The following RAB2A variants were observed in gnomAD, a reference collection of about 807,000 sequenced individuals.
RAB2A encodes ras-related protein Rab-2A.
In RAB2A, 7 loss-of-function variants were observed where a neutral mutation model predicts 32.5. The ratio of observed to expected loss-of-function variants is 0.22; its 90% confidence interval spans 0.12 to 0.40. The LOEUF (loss-of-function observed/expected upper bound fraction) is 0.40, where lower values mean the gene tolerates loss of function less well. RAB2A is among the 10% of genes least tolerant of loss of function. RAB2A has a pLI of 1.00. For missense variants in RAB2A, 108 were observed against 260.7 expected (o/e 0.41, Z 4.03); for synonymous variants, 79 against 85.2 (o/e 0.93, Z 0.40).
At chr8:60,531,484 G>A (rs937176432) in intron 1 of RAB2A, among the ~76,000 whole-genome samples, 1 of 152,190 alleles carries the variant, frequency 6.6e-6, no homozygotes, top group Non-Finnish European at 1.5e-5. Flanking sequence ...TGAAGGTAAG[G>A]TGCCTTGTAA....
intron 2 of RAB2A, among the ~76,000 whole-genome samples, chr8:60,566,140 G>A (rs1808109733): frequency 6.6e-6 from 1 of 152,200 alleles, no homozygotes; most frequent in Admixed American, 6.5e-5. Context: ...ACCACTGAGT[G>A]GTGTATGTTT....
rs1045675634 is a variant in RAB2A, at chr8:60,582,135, G to A, written c.187-2073G>A. On this transcript the variant is annotated intron_variant, in intron 3 of 7. Transcript: ENST00000262646. ...TAATTTTTAAAATTTTTTTTGTAGA[G>A]ATGGGGTCTCGCCATGTTAGCCAGG... is the stretch of plus-strand genomic sequence containing the variant. 3.3e-5 allele frequency among the ~76,000 whole-genome samples: 5 copies of A among 151,918 alleles called. No individual in the cohort carries two copies. In the East Asian group the frequency reaches 5.8e-4, roughly 18 times the overall value.
At chr8:60,583,798 A>T (rs1803804131) in intron 3 of RAB2A, among the ~76,000 whole-genome samples, 1 of 152,094 alleles carries the variant, frequency 6.6e-6, no homozygotes, top group African/African-American at 2.4e-5. Flanking sequence ...TGCCCCAGGG[A>T]GTGGGTTATT....
At chr8:60,604,194 C>G (rs1416696843) in intron 6 of RAB2A, among the ~76,000 whole-genome samples, 1 of 152,174 alleles carries the variant, frequency 6.6e-6, no homozygotes, top group Admixed American at 6.5e-5. Context: ...CCCCCTTTGC[C>G]TTGTGCCATG....
intron 2 of RAB2A, among the ~76,000 whole-genome samples, chr8:60,560,820 A>G (rs1808011429): frequency 6.6e-6 from 1 of 150,924 alleles, no homozygotes; most frequent in Non-Finnish European, 1.5e-5. Context: ...TTATTCTTCC[A>G]GTGTTGCCCA....
intron 3 of RAB2A, among the ~76,000 whole-genome samples, chr8:60,576,576 G>A (rs903433247): frequency 6.6e-6 from 1 of 152,150 alleles, no homozygotes; most frequent in African/African-American, 2.4e-5. Context: ...AAACTAACAT[G>A]CTAAAAGTTT....
chr8:60,612,393 G>T (rs1160461235), intron 6 of RAB2A, among the ~76,000 whole-genome samples: 4 of 152,124 alleles, frequency 2.6e-5, no homozygotes, highest in East Asian at 1.9e-4. Flanking sequence ...ACTAATTTTT[G>T]TAAAGGGTAG....
chr8:60,579,258 G>A (rs1324684902), intron 3 of RAB2A, among the ~76,000 whole-genome samples: 4 of 152,200 alleles, frequency 2.6e-5, no homozygotes, highest in African/African-American at 9.7e-5. Context: ...GGCCAGGCTG[G>A]TCTGGAACTC....
chr8:60,581,484 GA>G (rs1803750412), intron 3 of RAB2A, among the ~76,000 whole-genome samples: 1 of 152,110 alleles, frequency 6.6e-6, no homozygotes, highest in Non-Finnish European at 1.5e-5. Context: ...TAAAACTTAG[GA>G]ATTATTATTT....
chr8:60,569,131 T>G (rs923273874), intron 2 of RAB2A, among the ~76,000 whole-genome samples: 3 of 152,216 alleles, frequency 2.0e-5, no homozygotes, highest in Admixed American at 1.3e-4. Flanking sequence ...TAAAGTGTGT[T>G]TGTTTTCGCT....
chr8:60,524,686 C>T (rs1400968870), intron 1 of RAB2A, among the ~76,000 whole-genome samples: 3 of 152,202 alleles, frequency 2.0e-5, no homozygotes, highest in Non-Finnish European at 4.4e-5. Context: ...ATTTGGTTCT[C>T]ATCCATGGAA....
chr8:60,610,674 T>G (rs960388758), intron 6 of RAB2A, among the ~76,000 whole-genome samples: 2 of 152,238 alleles, frequency 1.3e-5, no homozygotes, highest in Non-Finnish European at 2.9e-5. Flanking sequence ...TCTTCACCTC[T>G]AATTTGGCCA....
chr8:60,531,695 G>A (rs917666197), intron 1 of RAB2A, among the ~76,000 whole-genome samples: 2 of 151,658 alleles, frequency 1.3e-5, no homozygotes, highest in Non-Finnish European at 2.9e-5. Flanking sequence ...CATCTCAGAT[G>A]TCTTCATAGT....
At chr8:60,532,373 TAA>T (rs1807489761) in intron 1 of RAB2A, among the ~76,000 whole-genome samples, 1 of 152,188 alleles carries the variant, frequency 6.6e-6, no homozygotes, top group South Asian at 2.1e-4. Flanking sequence ...AATAAATAGC[TAA>T]AAAGTAATAA....
intron 3 of RAB2A, among the ~76,000 whole-genome samples, chr8:60,579,689 G>A (rs576395264): frequency 2.0e-5 from 3 of 148,678 alleles, no homozygotes; most frequent in Admixed American, 1.3e-4. Flanking sequence ...GTGCGGTGGC[G>A]CAGTCTTGGC....
intron 6 of RAB2A, among the ~76,000 whole-genome samples, chr8:60,595,704 T>C (rs1480531545): frequency 6.6e-6 from 1 of 152,164 alleles, no homozygotes; most frequent in Non-Finnish European, 1.5e-5. Flanking sequence ...AACATGCGTG[T>C]ACCAGATATG....
intron 1 of RAB2A, among the ~76,000 whole-genome samples, chr8:60,530,255 T>TC (rs1204316590): frequency 6.6e-6 from 1 of 151,664 alleles, no homozygotes; most frequent in Non-Finnish European, 1.5e-5. Context: ...TTCAAGCCGT[T>TC]CTGCCTCAGC....
At chr8:60,541,560 G>A (rs1186061996) in intron 1 of RAB2A, among the ~76,000 whole-genome samples, 1 of 152,088 alleles carries the variant, frequency 6.6e-6, no homozygotes, top group African/African-American at 2.4e-5. Context: ...GTGGTGGCAG[G>A]CACCTGTAAT....
intron 1 of RAB2A, among the ~76,000 whole-genome samples, chr8:60,534,541 G>T (rs1807528543): frequency 6.6e-6 from 1 of 152,194 alleles, no homozygotes; most frequent in Non-Finnish European, 1.5e-5. Flanking sequence ...TAACTTATTT[G>T]AATAATTGTC....
Sources: allele counts gnomAD v4.1 joint callset (sites outside exome capture counted in the v4.1 genomes callset), GRCh38; gene constraint gnomAD v4.1.1; transcripts MANE v1.5; gene names NCBI Gene and HGNC (gene_info 2026-07-23, HGNC 2026-07-21).